The following SLC18B1 variants were observed in gnomAD, a reference collection of about 807,000 sequenced individuals.
SLC18B1 encodes the protein MFS-type transporter SLC18B1.
In SLC18B1, 62 loss-of-function variants were observed where a neutral mutation model predicts 53.9. That is an observed-to-expected ratio of 1.15 (90% CI 0.94 to 1.42). The LOEUF is 1.42. Ranked by LOEUF, SLC18B1 falls within the 40% of genes most tolerant of loss-of-function variation. The pLI, the probability that SLC18B1 is intolerant of heterozygous loss-of-function variation, is 0.00. For missense variants in SLC18B1, 598 were observed against 547.3 expected, an observed-to-expected ratio of 1.09 and a Z score of -0.93; for synonymous variants, 217 against 200.9, an observed-to-expected ratio of 1.08 and a Z score of -0.68.
intron 6 of SLC18B1, among the ~76,000 whole-genome samples, chr6:132,783,326 A>G (rs1378886330): frequency 6.6e-6 from 1 of 151,984 alleles, no homozygotes; most frequent in East Asian, 1.9e-4. Flanking sequence ...ACAGGTGTGC[A>G]CCACCATGCC....
At chr6:132,796,443 T>C (rs1241614632) in intron 2 of SLC18B1, among the ~76,000 whole-genome samples, 1 of 142,282 alleles carries the variant, frequency 7.0e-6, no homozygotes, top group Non-Finnish European at 1.5e-5. Flanking sequence ...GGAGAATCAA[T>C]TGAACCCGGG....
At chr6:132,793,312 T>G (rs1319886655) in intron 2 of SLC18B1, among the ~76,000 whole-genome samples, 3 of 152,214 alleles carry the variant, frequency 2.0e-5, no homozygotes, top group African/African-American at 4.8e-5. Flanking sequence ...GCTTCACCAA[T>G]GCATTTGTTG....
chr6:132,773,205 T>C (rs1781018582), intron 9 of SLC18B1, 117 bp from the exon 10 acceptor site: 2 of 558,794 alleles, frequency 3.6e-6, no homozygotes, highest in Non-Finnish European at 6.4e-6. Context: ...ACCGATTATG[T>C]GCCTAGTCTC....
At position 132,774,273 on chromosome 6, in the gene SLC18B1, G is replaced by A. The variant is rs752326252; in HGVS notation, c.938C>T (p.Thr313Ile). 4.2e-5 allele frequency: 68 copies of A among 1,613,496 alleles called. No homozygotes were observed. The highest frequency in any genetic ancestry group is 2.6e-4 in the South Asian group (24 of 90,990). The change falls in exon 9 of 14, where the codon ACA becomes ATA. Residue 313 changes from threonine to isoleucine, a missense_variant. Transcript: ENST00000275227. ...KWLLVFGNLI[T>I]AGCYMLLGPV... is the part of the protein sequence containing the mutation. ...CCCTAAGAGCATGTAGCACCCGGCT[G>A]TGATTAAGTTGCCAAACACCAGAAG...
At chr6:132,791,070 T>C (rs1025675541) in intron 2 of SLC18B1, among the ~76,000 whole-genome samples, 1 of 152,210 alleles carries the variant, frequency 6.6e-6, no homozygotes, top group African/African-American at 2.4e-5. Context: ...CCCGGAACTA[T>C]TGCAAATCCT....
intron 1 of SLC18B1, among the ~76,000 whole-genome samples, chr6:132,797,455 C>T (rs1562274209): frequency 6.6e-6 from 1 of 152,088 alleles, no homozygotes; most frequent in Non-Finnish European, 1.5e-5. Context: ...AAAAATTAGC[C>T]GGGCGTGGTG....
chr6:132,794,701 T>C (rs1781627783), intron 2 of SLC18B1, among the ~76,000 whole-genome samples: 1 of 152,076 alleles, frequency 6.6e-6, no homozygotes, highest in Non-Finnish European at 1.5e-5. Context: ...TAACACTTCT[T>C]AGGGCCCACC....
At chr6:132,790,370 T>C in intron 2 of SLC18B1, 98 bp from the exon 3 acceptor site, 1 of 775,078 alleles carries the variant, frequency 1.3e-6, no homozygotes, top group Non-Finnish European at 2.0e-6. Flanking sequence ...CTTGTGAACT[T>C]TATCTGTATA....
rs1235047820 is a variant in SLC18B1, at chr6:132,792,284, GAAGA to G, written c.184-2016_184-2013del. Among the ~76,000 whole-genome samples the G allele has an allele frequency of 4.9e-3, 186 of 37,774 alleles. 25 individuals carry two copies. Among genetic ancestry groups the G allele is most frequent in the Middle Eastern group, 0.037 (2 of 54 alleles). 24.8% of individuals were successfully genotyped at this position (37,774 alleles called of 152,430 possible). ...GAAAGAAAGAAAGAAAGAAAGAAAG[GAAGA>G]AAGGAAGGAAGGAAGGAAGGAAGGA... is the stretch of plus-strand genomic sequence containing the variant. On this transcript the variant is annotated intron_variant, in intron 2 of 13. Transcript: ENST00000275227.
rs1008119377 is a variant in SLC18B1, at chr6:132,789,681, C to G, written c.353+83G>C. The G allele has an allele frequency of 1.3e-5, 12 of 953,122 alleles. No homozygotes were observed. In the African/African-American group the frequency reaches 1.8e-4, roughly 14 times the overall value. 59.0% of individuals were successfully genotyped at this position (953,122 alleles called of 1,614,324 possible). ...GACAGACAATAAATGGAACCATTGA[C>G]TTAAAGAGTATTTAACAATTTAAAC... On this transcript the variant is annotated intron_variant, in intron 4 of 13. Coordinates refer to ENST00000275227, the MANE Select transcript of SLC18B1 (RefSeq NM_052831.3).
chr6:132,792,257 A>AGAGAGAGAGAGAG lies in SLC18B1; in HGVS notation c.184-1986_184-1985insCTCTCTCTCTCTC, dbSNP rs1562271308. Among the ~76,000 whole-genome samples the AGAGAGAGAGAGAG allele has an allele frequency of 1.6e-3, 53 of 33,378 alleles. 4 individuals are homozygous for AGAGAGAGAGAGAG. Among genetic ancestry groups the AGAGAGAGAGAGAG allele is most frequent in the Non-Finnish European group, 2.0e-3 (35 of 17,708 alleles). The allele number at this position is 33,378 out of a possible 152,430, so 21.9% of individuals were successfully genotyped here. On this transcript the variant is annotated intron_variant, in intron 2 of 13. Coordinates refer to ENST00000275227, the MANE Select transcript of SLC18B1 (RefSeq NM_052831.3). ...AAAGAAAGAAAGAAAGAAAGAAAGA[A>AGAGAGAGAGAGAG]AGAAAGAAAGAAAGAAAGAAAGAAA...
rs549756388 is a variant in SLC18B1, at chr6:132,798,397, A to T, written c.43+17T>A. ...GCCGCTGGTCTCCGGGCTCCCGGCC[A>T]CGCAATTCATGGTCACCTCCTGGTG... On this transcript the variant is annotated intron_variant, in intron 1 of 13. Transcript: ENST00000275227. 8 of 1,521,318 alleles carry T rather than the reference A, an allele frequency of 5.3e-6. No homozygotes were observed. In the African/African-American group the frequency reaches 8.4e-5, roughly 16 times the overall value. 94.2% of individuals were successfully genotyped at this position (1,521,318 alleles called of 1,614,324 possible). A position where few individuals can be genotyped will look rare whatever the true frequency, so the allele number is the denominator to read the frequency against.
Position 132,784,027 on chromosome 6 carries a change from C to T in SLC18B1, c.564G>A (p.Leu188=), listed in dbSNP as rs1227055671. The change falls in exon 6 of 14, where the codon TTG becomes TTA. Residue 188 remains leucine, a synonymous_variant. Transcript: ENST00000275227. ...LILGPPVGGF[L]YQSFGYEVPF... is the part of the protein sequence containing the mutation. ...GCACTTCATAGCCAAAGGATTGATA[C>T]AAAAAGCCACCTACAGGAGGACCTA... is the stretch of plus-strand genomic sequence containing the variant. 6.2e-7 allele frequency: 1 copy of T among 1,609,928 alleles called. No homozygotes were observed. The highest frequency in any genetic ancestry group is 1.7e-5 in the Admixed American group (1 of 59,224).
At chr6:132,784,814 C>T (rs1214889512) in intron 5 of SLC18B1, among the ~76,000 whole-genome samples, 1 of 152,110 alleles carries the variant, frequency 6.6e-6, no homozygotes, top group Non-Finnish European at 1.5e-5. Context: ...TGAAAATAAT[C>T]TAAATATTCA....
intron 5 of SLC18B1, among the ~76,000 whole-genome samples, chr6:132,786,320 T>C (rs1273627692): frequency 3.8e-4 from 57 of 151,836 alleles, no homozygotes; most frequent in African/African-American, 1.4e-3. Flanking sequence ...CTGAGGCAGG[T>C]GGATCACGAG....
At chr6:132,779,452 AT>A in intron 6 of SLC18B1, 48 bp from the exon 7 acceptor site, 1 of 1,563,682 alleles carries the variant, frequency 6.4e-7, no homozygotes. Flanking sequence ...AGCAATTAAA[AT>A]CTCTTAATTT....
intron 2 of SLC18B1, among the ~76,000 whole-genome samples, chr6:132,791,108 A>C (rs1289991945): frequency 2.0e-5 from 3 of 152,244 alleles, no homozygotes; most frequent in Admixed American, 2.0e-4. Flanking sequence ...ATAGAAATTT[A>C]AGGAATCAAA....
intron 4 of SLC18B1, 95 bp downstream of exon 4, chr6:132,789,669 T>A: frequency 2.3e-6 from 2 of 864,010 alleles, no homozygotes; most frequent in Non-Finnish European, 1.9e-6. Context: ...AGACAATAAA[T>A]GGAACCATTG....
intron 13 of SLC18B1, 80 bp downstream of exon 13, chr6:132,770,810 T>A: frequency 7.5e-7 from 1 of 1,329,836 alleles, no homozygotes; most frequent in Non-Finnish European, 1.1e-6. Context: ...ACTGGAAGAA[T>A]AAATGTAAAA....
Sources: allele counts gnomAD v4.1 joint callset (sites outside exome capture counted in the v4.1 genomes callset), GRCh38; gene constraint gnomAD v4.1.1; transcripts MANE v1.5; gene names NCBI Gene and HGNC (gene_info 2026-07-23, HGNC 2026-07-21).